The following CDH18 variants were observed in gnomAD, a reference collection of about 807,000 sequenced individuals.
The protein encoded by CDH18 is cadherin 18.
CDH18 carries 31 observed loss-of-function variants against 67.9 expected under a neutral mutation model. The ratio of observed to expected loss-of-function variants is 0.46; its 90% CI spans 0.34 to 0.62. The LOEUF (loss-of-function observed/expected upper bound fraction) is 0.62. Among genes scored for constraint, CDH18 ranks in the 20% least tolerant of loss-of-function variants. The pLI is 0.01. For missense variants in CDH18, 890 were observed against 975.5 expected, an observed-to-expected ratio of 0.91 and a Z score of 1.17; for synonymous variants, 362 against 347.2, an observed-to-expected ratio of 1.04 and a Z score of -0.48.
chr5:20,399,593 TC>T (rs1189214230), intron 1 of CDH18, among the ~76,000 whole-genome samples: 3 of 152,216 alleles, frequency 2.0e-5, no homozygotes, highest in African/African-American at 7.2e-5. Context: ...CTGAATTTCA[TC>T]TTTTATAAAA....
chr5:20,481,431 A>G (rs1045283224), intron 1 of CDH18, among the ~76,000 whole-genome samples: 2 of 152,132 alleles, frequency 1.3e-5, no homozygotes, highest in South Asian at 2.1e-4. Context: ...CAACAAAAAC[A>G]TATCACACTT....
chr5:19,805,868 T>A (rs1320898906), intron 3 of CDH18, among the ~76,000 whole-genome samples: 1 of 152,240 alleles, frequency 6.6e-6, no homozygotes, highest in African/African-American at 2.4e-5. Flanking sequence ...CCAAGCTTGT[T>A]CTAAATGTCA....
At chr5:20,019,448 G>A (rs1045134110) in intron 2 of CDH18, among the ~76,000 whole-genome samples, 1 of 151,978 alleles carries the variant, frequency 6.6e-6, no homozygotes, top group Admixed American at 6.5e-5. Context: ...TTGGAGGAAG[G>A]GCCTTGTGGG....
At chr5:19,967,480 T>C (rs1797572504) in intron 2 of CDH18, among the ~76,000 whole-genome samples, 3 of 152,240 alleles carry the variant, frequency 2.0e-5, no homozygotes, top group African/African-American at 2.4e-5. Context: ...GTTGTACATA[T>C]TGTACAGAGA....
intron 11 of CDH18, among the ~76,000 whole-genome samples, chr5:19,489,152 T>C (rs2126645220): frequency 6.6e-6 from 1 of 152,250 alleles, no homozygotes; most frequent in East Asian, 1.9e-4. Context: ...CTTAACTGAT[T>C]CCACCTAGTA....
chr5:19,513,441 A>G (rs551703859), intron 10 of CDH18, among the ~76,000 whole-genome samples: 1 of 152,072 alleles, frequency 6.6e-6, no homozygotes, highest in Non-Finnish European at 1.5e-5. Context: ...TTTTTTCCTA[A>G]TATTCTTCAT....
At position 20,057,726 on chromosome 5, in the gene CDH18, G is replaced by A. The variant is rs571278769; in HGVS notation, c.-517-65712C>T. On this transcript the variant is annotated intron_variant, in intron 2 of 14. Coordinates refer to the CDH18 transcript ENST00000507958. ...TGCAGTTTCTACTCTACTCTTGTAA[G>A]GTGATGGAACTTAACCACTTTTTTT... Among the ~76,000 whole-genome samples, 10 of 152,268 alleles carry A rather than the reference G, an allele frequency of 6.6e-5. No homozygotes were observed. The East Asian group carries it at 1.9e-3, about 29-fold the overall frequency.
intron 1 of CDH18, among the ~76,000 whole-genome samples, chr5:20,476,850 T>C (rs1354585564): frequency 1.3e-5 from 2 of 152,230 alleles, no homozygotes; most frequent in Non-Finnish European, 2.9e-5. Flanking sequence ...TTATAATTTA[T>C]ATTACAAGGC....
At chr5:20,130,293 G>A (rs1749161476) in intron 2 of CDH18, among the ~76,000 whole-genome samples, 1 of 151,614 alleles carries the variant, frequency 6.6e-6, no homozygotes, top group South Asian at 2.1e-4. Flanking sequence ...ATTGTGGAAG[G>A]TGGCAAGTTC....
intron 9 of CDH18, among the ~76,000 whole-genome samples, chr5:19,538,789 T>TC (rs1030324158): frequency 9.2e-5 from 14 of 152,066 alleles, no homozygotes; most frequent in African/African-American, 3.4e-4. Flanking sequence ...CTGCAATGCC[T>TC]CACCTGCCCA....
intron 2 of CDH18, among the ~76,000 whole-genome samples, chr5:20,245,907 G>A (rs1354666929): frequency 6.6e-6 from 1 of 152,004 alleles, no homozygotes; most frequent in Non-Finnish European, 1.5e-5. Flanking sequence ...CATGATTTTT[G>A]CTTTGTAAGC....
At chr5:19,793,087 C>G (rs1776525311) in intron 3 of CDH18, among the ~76,000 whole-genome samples, 1 of 152,074 alleles carries the variant, frequency 6.6e-6, no homozygotes. Context: ...TACTCCTCCT[C>G]CTCCTTCTAC....
Position 19,478,095 on chromosome 5 carries a change from G to T in CDH18, c.1883-4379C>A, listed in dbSNP as rs185264928. ...TATCATCAAGTAATTCAAAGATGGG[G>T]AAACATTTTTTGTATTTGTTTTCTC... On this transcript the variant is annotated intron_variant, in intron 12 of 12. Coordinates refer to ENST00000382275, the MANE Select transcript of CDH18 (RefSeq NM_004934.5). Among the ~76,000 whole-genome samples, 4 of 152,144 alleles carry T rather than the reference G, an allele frequency of 2.6e-5. No homozygotes were observed. The East Asian group carries it at 7.7e-4, about 29-fold the overall frequency.
intron 1 of CDH18, among the ~76,000 whole-genome samples, chr5:20,411,563 C>T (rs1746777542): frequency 6.6e-6 from 1 of 151,436 alleles, no homozygotes; most frequent in South Asian, 2.1e-4. Context: ...CTGCATAACA[C>T]ATAACAAAGG....
At chr5:19,490,394 GTTTT>G (rs70950073) in intron 11 of CDH18, among the ~76,000 whole-genome samples, 1,103 of 60,210 alleles carry the variant, frequency 0.018, 95 homozygotes, top group South Asian at 0.04. Context: ...ATAAAAATCT[GTTTT>G]TTTTTTTTTT....
At chr5:20,489,474 C>A (rs1314434423) in intron 1 of CDH18, among the ~76,000 whole-genome samples, 1 of 151,962 alleles carries the variant, frequency 6.6e-6, no homozygotes, top group East Asian at 1.9e-4. Flanking sequence ...ATAATTATAT[C>A]CTTCATACTT....
chr5:20,386,646 T>G (rs1744333732), intron 1 of CDH18, among the ~76,000 whole-genome samples: 1 of 152,162 alleles, frequency 6.6e-6, no homozygotes, highest in Admixed American at 6.6e-5. Context: ...GTATTCCCCC[T>G]TTGTAGATAA....
chr5:19,888,296 T>G, intron 2 of CDH18, among the ~76,000 whole-genome samples: 1 of 152,160 alleles, frequency 6.6e-6, no homozygotes, highest in Middle Eastern at 3.2e-3. Context: ...GCTACAGACC[T>G]ATTTTGAAAG....
At chr5:19,738,057 A>G (rs1302913997) in intron 4 of CDH18, among the ~76,000 whole-genome samples, 1 of 152,192 alleles carries the variant, frequency 6.6e-6, no homozygotes, top group Non-Finnish European at 1.5e-5. Context: ...GTCACATTTA[A>G]GAATAGCTCT....
Sources: allele counts gnomAD v4.1 joint callset (sites outside exome capture counted in the v4.1 genomes callset), GRCh38; gene constraint gnomAD v4.1.1; transcripts MANE v1.5; gene names NCBI Gene and HGNC (gene_info 2026-07-23, HGNC 2026-07-21).